WDR53: variants seen among roughly 807,000 people sequenced by gnomAD.
WDR53 encodes the protein WD repeat-containing protein 53.
A neutral mutation model predicts 21.3 loss-of-function variants in WDR53; 19 were observed. The ratio of observed to expected loss-of-function variants is 0.89; its 90% CI spans 0.62 to 1.31. WDR53 has a LOEUF of 1.31. Among genes scored for constraint, WDR53 ranks in the 50% most tolerant of loss-of-function variants. The pLI is 0.00. For synonymous variants in WDR53, 157 were observed against 163.4 expected, an observed-to-expected ratio of 0.96 and a Z score of 0.30; for missense variants, 374 against 423.2, an observed-to-expected ratio of 0.88 and a Z score of 1.02.
At position 196,555,282 on chromosome 3, in the gene WDR53, T is replaced by G. The variant is rs543912677; in HGVS notation, c.481-475A>C. Among the ~76,000 whole-genome samples, 9 of 152,358 alleles carry G rather than the reference T, an allele frequency of 5.9e-5. No individual in the cohort carries two copies. In the South Asian group the frequency reaches 1.9e-3, roughly 32 times the overall value. On this transcript the variant is annotated intron_variant, in intron 3 of 3. Transcript: ENST00000332629. Reference sequence around the variant, plus strand: ...TTACCCAATTACCCATCCAAGGGGCTTAAGCTCAGTCCTGGTGCCTCCAAG... The same window carrying G: ...TTACCCAATTACCCATCCAAGGGGCGTAAGCTCAGTCCTGGTGCCTCCAAG...
chr3:196,563,905 A>G (rs996682392), intron 2 of WDR53, among the ~76,000 whole-genome samples: 1 of 152,178 alleles, frequency 6.6e-6, no homozygotes, highest in Non-Finnish European at 1.5e-5. Flanking sequence ...ACGATCACTA[A>G]TTAGACTGCA....
rs1286252121 is a variant in WDR53, at chr3:196,563,675, G to A, written c.-16-2184C>T. 4.0e-5 allele frequency among the ~76,000 whole-genome samples: 6 copies of A among 151,740 alleles called. No individual in the cohort carries two copies. The South Asian group carries it at 1.0e-3, about 26-fold the overall frequency. ...CAACCTCTGCCTCCTATGTTTAAGCGATTCTCCTGCCTCAGCCTCCCAAGT... is the reference window on the plus strand; with the variant it reads ...CAACCTCTGCCTCCTATGTTTAAGCAATTCTCCTGCCTCAGCCTCCCAAGT... On this transcript the variant is annotated intron_variant, in intron 2 of 3. Transcript: ENST00000332629.
rs181187983 is a variant in WDR53 at position 196,554,245 on chromosome 3, C to T, written c.1043G>A (p.Ser348Asn). 127 of 1,613,266 alleles carry T rather than the reference C, an allele frequency of 7.9e-5. 1 individual carries two copies. The Admixed American group carries it at 2.1e-3, about 26-fold the overall frequency. The change falls in exon 4 of 4, where the codon AGT (serine) becomes AAT (asparagine). Residue 348 changes from serine (S) to asparagine (N), a missense_variant. Transcript: ENST00000332629. Reference sequence around the variant, plus strand: ...ATTTAAGGGGTATACAGATATACAACTAGTTTGATCAGCTACTAATATATT... The same window carrying T: ...ATTTAAGGGGTATACAGATATACAATTAGTTTGATCAGCTACTAATATATT... The part of the protein sequence containing the change: ...HQNILVADQT[S>N]CISVYPLNEF
At position 196,567,092 on chromosome 3, in the gene WDR53, C is replaced by G. The variant is rs1297955398; in HGVS notation, c.-232G>C. 2.2e-6 allele frequency: 1 copy of G among 455,434 alleles called. No homozygotes were observed. The highest frequency in any genetic ancestry group is 4.4e-6 in the Non-Finnish European group (1 of 226,194). The allele number at this position is 455,434 out of a possible 1,614,324, so 28.2% of individuals were successfully genotyped here. Reference sequence around the variant, plus strand: ...CCGTCCCGTTCAAGAGTCTGTGCCTCTAAGGCTGTTCATTCTGTCTAGTTC... The same window carrying G: ...CCGTCCCGTTCAAGAGTCTGTGCCTGTAAGGCTGTTCATTCTGTCTAGTTC... On this transcript the variant is annotated 5_prime_UTR_variant, in exon 2 of 4. Transcript: ENST00000332629.
chr3:196,560,942 C>T (rs1245147868), intron 3 of WDR53, 54 bp downstream of exon 3: 7 of 1,546,776 alleles, frequency 4.5e-6, no homozygotes, highest in Non-Finnish European at 6.1e-6. Context: ...TAATTTGATC[C>T]TGTTAGCAAA....
At chr3:196,561,728 A>C (rs981107868) in intron 2 of WDR53, among the ~76,000 whole-genome samples, 3 of 152,080 alleles carry the variant, frequency 2.0e-5, no homozygotes, top group Admixed American at 6.6e-5. Flanking sequence ...GCCATCAGGG[A>C]TCTAGGTAAG....
chr3:196,560,915 A>T, intron 3 of WDR53, 81 bp downstream of exon 3: 1 of 1,514,324 alleles, frequency 6.6e-7, no homozygotes, highest in Non-Finnish European at 8.8e-7. Context: ...AAAAGCAAAG[A>T]TATTTCGTGT....
Position 196,561,089 on chromosome 3 carries a change from G to C in WDR53, c.387C>G (p.Ile129Met), listed in dbSNP as rs769943043. The C allele has an allele frequency of 1.2e-6, 2 of 1,614,130 alleles. No individual in the cohort carries two copies. The highest frequency in any genetic ancestry group is 2.7e-5 in the African/African-American group (2 of 74,948). The change falls in exon 3 of 4, where the codon ATC (isoleucine) becomes ATG (methionine). Residue 129 changes from isoleucine to methionine, a missense_variant. Coordinates refer to ENST00000332629, the MANE Select transcript of WDR53 (RefSeq NM_182627.3). Reference protein sequence around the residue: ...KILDLENKKVIRSLKRHSNIC... With the variant: ...KILDLENKKVMRSLKRHSNIC... Reference sequence around the variant, plus strand: ...TATTGGAATGTCTCTTCAAGGATCTGATAACTTTCTTGTTTTCCAAGTCTA... The same window carrying C: ...TATTGGAATGTCTCTTCAAGGATCTCATAACTTTCTTGTTTTCCAAGTCTA...
rs780652271 is a variant in WDR53, at chr3:196,554,267, T to C, written c.1021A>G (p.Ile341Val). The change falls in exon 4 of 4, where the codon ATA (isoleucine) becomes GTA (valine). Residue 341 changes from isoleucine to valine, a missense_variant. By Grantham distance (29) the Ile-to-Val change is conservative. Transcript: ENST00000332629. The part of the protein sequence containing the change: ...LGTKIKGHQN[I>V]LVADQTSCIS... The stretch of plus-strand genomic sequence containing the variant: ...CAACTAGTTTGATCAGCTACTAATA[T>C]ATTTTGGTGTCCCTTTATTTTTGTA... The C allele has an allele frequency of 9.8e-5, 158 of 1,613,932 alleles. 4 individuals carry two copies. In the South Asian group the frequency reaches 1.7e-3, roughly 17 times the overall value.
At position 196,561,324 on chromosome 3, in the gene WDR53, G is replaced by C. The variant is rs1025272593; in HGVS notation, c.152C>G (p.Ala51Gly). ...AAATAAGACACTGGTAACATCATCAGCCCCTTGGAACCGCGTGTGTCCTAA... is the reference window on the plus strand; with the variant it reads ...AAATAAGACACTGGTAACATCATCACCCCCTTGGAACCGCGTGTGTCCTAA... Reference protein sequence around the residue: ...TPLGHTRFQGADDVTSVLFSP... With the variant: ...TPLGHTRFQGGDDVTSVLFSP... The change falls in exon 3 of 4, where the codon GCT becomes GGT. Residue 51 changes from alanine (A) to glycine (G), a missense_variant. Physicochemically the swap from Ala to Gly is moderately conservative, Grantham distance 60 (BLOSUM62 0). Transcript: ENST00000332629. 3.7e-6 allele frequency: 6 copies of C among 1,614,066 alleles called. No homozygotes were observed. Among genetic ancestry groups the C allele is most frequent in the Admixed American group, 3.3e-5 (2 of 59,992 alleles).
Position 196,567,259 on chromosome 3 carries a change from G to A in WDR53, c.-399C>T, listed in dbSNP as rs765922372. On this transcript the variant is annotated 5_prime_UTR_variant, in exon 2 of 4. Coordinates refer to ENST00000332629, the MANE Select transcript of WDR53 (RefSeq NM_182627.3). ...GGGTTTCTGAAGTTGGACTTGATGTGGAGAAGCTGGATAGCAACCAAAATG... is the reference window on the plus strand; with the variant it reads ...GGGTTTCTGAAGTTGGACTTGATGTAGAGAAGCTGGATAGCAACCAAAATG... 1.2e-4 allele frequency: 53 copies of A among 456,730 alleles called. No homozygotes were observed. The highest frequency in any genetic ancestry group is 2.2e-4 in the Non-Finnish European group (50 of 226,974). 28.3% of individuals were successfully genotyped at this position (456,730 alleles called of 1,614,324 possible).
chr3:196,566,568 C>G (rs1735415921), intron 2 of WDR53, among the ~76,000 whole-genome samples: 1 of 152,202 alleles, frequency 6.6e-6, no homozygotes, highest in East Asian at 1.9e-4. Flanking sequence ...CATGCACCAC[C>G]ACGCCCGGTT....
chr3:196,561,110 G>A lies in WDR53; in HGVS notation c.366C>T (p.Asp122=), dbSNP rs1734801360. The A allele has an allele frequency of 1.2e-6, 2 of 1,614,080 alleles. No individual in the cohort carries two copies. The highest frequency in any genetic ancestry group is 2.2e-5 in the South Asian group (2 of 91,084). Residue 122 remains aspartate (D), a synonymous_variant, in exon 3 of 4, where the codon GAC becomes GAT. Transcript: ENST00000332629. The part of the protein sequence containing the change: ...ADDSGAIKIL[D]LENKKVIRSL... Reference sequence around the variant, plus strand: ...ATCTGATAACTTTCTTGTTTTCCAAGTCTAGGATTTTGATTGCCCCAGAGT... The same window carrying A: ...ATCTGATAACTTTCTTGTTTTCCAAATCTAGGATTTTGATTGCCCCAGAGT...
In WDR53 at chr3:196,554,372, C is replaced by A. The variant is rs533795093; in HGVS notation, c.916G>T (p.Val306Leu). The change falls in exon 4 of 4, where the codon GTA becomes TTA. Residue 306 changes from valine to leucine, a missense_variant. Transcript: ENST00000332629. ...TKQGGNTNAS[V>L]TDEEEHGNIL... ...TTGCCATGTTCTTCCTCATCTGTTA[C>A]TGAAGCGTTAGTATTTCCACCCTGC... 1.9e-6 allele frequency: 3 copies of A among 1,614,166 alleles called. No homozygotes were observed. The Admixed American group carries it at 5.0e-5, about 27-fold the overall frequency.
rs544346218 is a variant in WDR53 at position 196,567,423 on chromosome 3, G to T, written c.-447-116C>A. 9 of 349,012 alleles carry T rather than the reference G, an allele frequency of 2.6e-5. 1 individual carries two copies. The highest frequency in any genetic ancestry group is 1.8e-4 in the South Asian group (8 of 45,588). 21.6% of individuals were successfully genotyped at this position (349,012 alleles called of 1,614,324 possible). ...TCAGAGGGTAGGGAAGGTAGCCACC[G>T]TTCCTTTGCTTTTACTAGAGACTAA... On this transcript the variant is annotated intron_variant, in intron 1 of 3. Transcript: ENST00000332629.
rs1560298848 is a variant in WDR53, at chr3:196,554,576, T to C, written c.712A>G (p.Lys238Glu). Residue 238 changes from lysine to glutamate, a missense_variant, in exon 4 of 4, where the codon AAG becomes GAG. Physicochemically the swap from Lys to Glu is moderately conservative, Grantham distance 56 (BLOSUM62 1). Coordinates refer to ENST00000332629, the MANE Select transcript of WDR53 (RefSeq NM_182627.3). ...GVKCEQELGFKGHTSGVSQVC... is the reference protein window; with the variant it reads ...GVKCEQELGFEGHTSGVSQVC... ...TGGGATACCCCTGAAGTGTGGCCCT[T>C]AAATCCCAGTTCCTGTTCACACTTA... 1.9e-6 allele frequency: 3 copies of C among 1,613,980 alleles called. No individual in the cohort carries two copies. In the Admixed American group the frequency reaches 5.0e-5, roughly 27 times the overall value.
At chr3:196,554,917 G>C in intron 3 of WDR53, 110 bp from the exon 4 acceptor site, 1 of 840,654 alleles carries the variant, frequency 1.2e-6, no homozygotes, top group Non-Finnish European at 1.9e-6. Context: ...AGAATGAGCA[G>C]TAGTGCACGT....
At chr3:196,564,651 C>G (rs1735212901) in intron 2 of WDR53, among the ~76,000 whole-genome samples, 1 of 152,184 alleles carries the variant, frequency 6.6e-6, no homozygotes, top group African/African-American at 2.4e-5. Context: ...GCATGAGCCA[C>G]TGCACCCAGC....
At chr3:196,566,394 G>T (rs1480186219) in intron 2 of WDR53, among the ~76,000 whole-genome samples, 9 of 150,030 alleles carry the variant, frequency 6.0e-5, no homozygotes, top group African/African-American at 2.2e-4. Context: ...TGCCAGGTGA[G>T]TTATTTTGAG....
Sources: allele counts gnomAD v4.1 joint callset (sites outside exome capture counted in the v4.1 genomes callset), GRCh38; gene constraint gnomAD v4.1.1; transcripts MANE v1.5; gene names NCBI Gene and HGNC (gene_info 2026-07-23, HGNC 2026-07-21).